Variants in COL4A5 observed in about 807,000 individuals in gnomAD.
COL4A5 encodes the protein collagen alpha-5(IV) chain.
COL4A5 carries 26 observed loss-of-function variants against 130.2 expected under a neutral mutation model. The ratio of observed to expected loss-of-function variants is 0.20; its 90% CI spans 0.15 to 0.28. The LOEUF (loss-of-function observed/expected upper bound fraction) is 0.28, where lower values mean the gene tolerates loss of function less well. Ranked by LOEUF, COL4A5 falls within the 10% of genes least tolerant of loss-of-function variation. The probability of loss-of-function intolerance (pLI) is 1.00; values close to 1 mark genes in which losing one functional copy is unlikely to be tolerated. For missense variants in COL4A5, 1,131 were observed against 1,344.3 expected (o/e 0.84, Z 2.48); for synonymous variants, 496 against 439.6 (o/e 1.13, Z -1.60).
At position 108,575,963 on chromosome X, in the gene COL4A5, A is replaced by C. The variant is rs1020401800; in HGVS notation, c.600A>C (p.Pro200=). ...GGCCAATTGGTCCCCCAGGACCACC[A>C]GGTTTGATGGTAAGCTCTCTTCTTT... ...IPGPIGPPGP[P]GLMGPPGPPG... Residue 200 remains proline, a synonymous_variant, in exon 10 of 53, where the codon CCA becomes CCC. Coordinates refer to ENST00000328300, the MANE Select transcript of COL4A5 (RefSeq NM_033380.3). The C allele has an allele frequency of 2.3e-5, 27 of 1,173,713 alleles. No individual in the cohort carries two copies. The highest frequency in any genetic ancestry group is 2.8e-5 in the Non-Finnish European group (24 of 864,769).
intron 3 of COL4A5, among the ~76,000 whole-genome samples, chrX:108,560,281 T>G (rs966002438): frequency 8.9e-6 from 1 of 112,090 alleles, no homozygotes; most frequent in Admixed American, 9.4e-5. Flanking sequence ...TTAAGTCTTA[T>G]GATGGATTGT....
At chrX:108,583,710 C>T (rs1468488952) in intron 17 of COL4A5, among the ~76,000 whole-genome samples, 5 of 110,941 alleles carry the variant, frequency 4.5e-5, no homozygotes, top group South Asian at 3.8e-4. Flanking sequence ...GGAAATACTC[C>T]GATAAAATGA....
At chrX:108,559,989 C>T (rs2065878616) in intron 3 of COL4A5, among the ~76,000 whole-genome samples, 1 of 111,412 alleles carries the variant, frequency 9.0e-6, no homozygotes, top group Non-Finnish European at 1.9e-5. Context: ...TAGACAAGAG[C>T]CATATTCTCA....
chrX:108,578,158 T>C (rs1372790289), intron 12 of COL4A5, 39 bp downstream of exon 12: 4 of 1,187,363 alleles, frequency 3.4e-6, no homozygotes, highest in South Asian at 3.6e-5. Context: ...AGCCCTCAGC[T>C]TTCTCTTTTT....
intron 29 of COL4A5, among the ~76,000 whole-genome samples, chrX:108,609,924 T>G (rs1211517361): frequency 9.2e-6 from 1 of 109,226 alleles, no homozygotes; most frequent in Non-Finnish European, 1.9e-5. Context: ...TGTAGCTTTA[T>G]AGTAAGACTC....
At chrX:108,632,982 C>T (rs1382698551) in intron 36 of COL4A5, among the ~76,000 whole-genome samples, 3 of 111,323 alleles carry the variant, frequency 2.7e-5, no homozygotes, top group Admixed American at 1.9e-4. Flanking sequence ...CTGGCCAGGG[C>T]AATCAGGCAG....
At chrX:108,675,125 C>A (rs901184280) in intron 43 of COL4A5, among the ~76,000 whole-genome samples, 1 of 110,724 alleles carries the variant, frequency 9.0e-6, no homozygotes, top group Non-Finnish European at 1.9e-5. Flanking sequence ...CTCAGATTGC[C>A]CTGATCTGTG....
intron 1 of COL4A5, among the ~76,000 whole-genome samples, chrX:108,455,485 C>G (rs768265030): frequency 1.8e-5 from 2 of 112,180 alleles, no homozygotes; most frequent in Non-Finnish European, 3.8e-5. Flanking sequence ...TATAACTTAA[C>G]AAAGTGTATA....
chrX:108,484,868 G>A (rs2064929334), intron 1 of COL4A5, among the ~76,000 whole-genome samples: 1 of 112,608 alleles, frequency 8.9e-6, no homozygotes, highest in Non-Finnish European at 1.9e-5. Context: ...CCAGGCTTGT[G>A]TCCTTCCCTT....
chrX:108,511,937 T>C (rs1477936918), intron 1 of COL4A5, among the ~76,000 whole-genome samples: 1 of 111,378 alleles, frequency 9.0e-6, no homozygotes, highest in Non-Finnish European at 1.9e-5. Context: ...TGGTATGGGG[T>C]TTCTTTTTGG....
At chrX:108,632,284 A>G (rs920780489) in intron 36 of COL4A5, among the ~76,000 whole-genome samples, 1 of 111,001 alleles carries the variant, frequency 9.0e-6, no homozygotes, top group African/African-American at 3.3e-5. Context: ...AACCAGGAAG[A>G]AGTTGAATCT....
intron 42 of COL4A5, chrX:108,674,465 T>C: frequency 7.7e-6 from 2 of 258,236 alleles, no homozygotes; most frequent in Non-Finnish European, 1.4e-5. Context: ...GTTAACATGA[T>C]GTCTTCAGTA....
At chrX:108,618,641 T>C (rs943862236) in intron 30 of COL4A5, among the ~76,000 whole-genome samples, 1 of 111,646 alleles carries the variant, frequency 9.0e-6, no homozygotes, top group African/African-American at 3.2e-5. Context: ...TCATTTCTAA[T>C]ATATGATAGC....
intron 17 of COL4A5, among the ~76,000 whole-genome samples, chrX:108,583,425 T>C (rs1261968127): frequency 8.9e-6 from 1 of 111,902 alleles, no homozygotes; most frequent in Non-Finnish European, 1.9e-5. Context: ...GGTCATTTAT[T>C]TAGTTACCTA....
intron 36 of COL4A5, among the ~76,000 whole-genome samples, chrX:108,651,575 A>T (rs1239206064): frequency 8.9e-6 from 1 of 111,874 alleles, no homozygotes; most frequent in East Asian, 2.8e-4. Flanking sequence ...ATGCTGTGCT[A>T]GTATGGAATA....
At chrX:108,597,743 C>T (rs1367242097) in intron 24 of COL4A5, among the ~76,000 whole-genome samples, 175 bp downstream of exon 24, 1 of 111,935 alleles carries the variant, frequency 8.9e-6, no homozygotes, top group Non-Finnish European at 1.9e-5. Flanking sequence ...TTCTGCACTA[C>T]TCTTTTCTTT....
intron 1 of COL4A5, among the ~76,000 whole-genome samples, chrX:108,469,169 CTTTTTTTTT>C (rs529015725): frequency 1.3e-3 from 104 of 77,674 alleles, no homozygotes; most frequent in Non-Finnish European, 2.0e-3. Context: ...CTCTCTCTCT[CTTTTTTTTT>C]TTTTTTTTTG....
intron 52 of COL4A5, chrX:108,696,073 A>G (rs930647761): frequency 1.5e-4 from 56 of 381,888 alleles, no homozygotes; most frequent in East Asian, 1.4e-3. Context: ...ACAAATATAC[A>G]AAGATAATAG....
At chrX:108,462,775 A>G (rs2064665805) in intron 1 of COL4A5, 1 of 112,828 alleles carries the variant, frequency 8.9e-6, no homozygotes, top group African/African-American at 3.2e-5. Flanking sequence ...TTCTTAAAGG[A>G]GAACTTCAGT....
Sources: allele counts gnomAD v4.1 joint callset (sites outside exome capture counted in the v4.1 genomes callset), GRCh38; gene constraint gnomAD v4.1.1; transcripts MANE v1.5; gene names NCBI Gene and HGNC (gene_info 2026-07-23, HGNC 2026-07-21).